Variants in CSMD1 observed in about 807,000 individuals in gnomAD.
The protein encoded by CSMD1 is CUB and sushi domain-containing protein 1.
CSMD1 carries 213 observed loss-of-function variants against 417.5 expected under a neutral mutation model. The observed-to-expected ratio is 0.51, with a 90% confidence interval of 0.46 to 0.57. The LOEUF (loss-of-function observed/expected upper bound fraction) is 0.57. Ranked by LOEUF, CSMD1 falls within the 20% of genes least tolerant of loss-of-function variation. The pLI is 0.00. For missense variants in CSMD1, 6,923 were observed against 4,529.7 expected (o/e 1.53, Z -15.17); for synonymous variants, 2,862 against 1,736.8 (o/e 1.65, Z -16.11).
intron 1 of CSMD1, among the ~76,000 whole-genome samples, chr8:4,703,672 T>C (rs950150434): frequency 1.3e-5 from 2 of 152,130 alleles, no homozygotes; most frequent in African/African-American, 4.8e-5. Context: ...AGACAAATAG[T>C]AGTTGACTTA....
At chr8:4,399,203 C>G (rs900073464) in intron 3 of CSMD1, among the ~76,000 whole-genome samples, 2 of 152,134 alleles carry the variant, frequency 1.3e-5, no homozygotes, top group Non-Finnish European at 2.9e-5. Flanking sequence ...CTGGAATTTA[C>G]TATGTGTTTA....
intron 3 of CSMD1, among the ~76,000 whole-genome samples, chr8:4,159,646 T>C (rs1194772034): frequency 2.6e-5 from 4 of 152,178 alleles, no homozygotes; most frequent in South Asian, 4.1e-4. Context: ...TGGAGCACAG[T>C]GGCGCGATCT....
chr8:3,062,661 T>G (rs6995874), intron 49 of CSMD1, among the ~76,000 whole-genome samples: 24,520 of 151,260 alleles, frequency 0.16, 2,554 homozygotes, highest in African/African-American at 0.3. Context: ...TATCTAGCAC[T>G]TCATAACCCA....
intron 3 of CSMD1, among the ~76,000 whole-genome samples, chr8:4,306,564 G>C (rs1383257092): frequency 3.3e-5 from 5 of 152,050 alleles, no homozygotes; most frequent in African/African-American, 9.7e-5. Flanking sequence ...CAAAAAAACA[G>C]CTCCCTGCCC....
chr8:3,196,173 T>C (rs1796692066), intron 33 of CSMD1, among the ~76,000 whole-genome samples: 1 of 152,152 alleles, frequency 6.6e-6, no homozygotes, highest in Non-Finnish European at 1.5e-5. Flanking sequence ...ATTAGCATGC[T>C]AAAAGACACT....
intron 5 of CSMD1, among the ~76,000 whole-genome samples, chr8:3,754,594 A>T (rs1331758892): frequency 1.3e-5 from 2 of 152,120 alleles, no homozygotes; most frequent in East Asian, 3.9e-4. Context: ...AGCTGGGATT[A>T]CAGGCATGCG....
chr8:4,894,061 G>A lies in CSMD1; in HGVS notation c.85+100271C>T, dbSNP rs182262195. ...ATTTTGTTTAAGTTGTATTTTCCTA[G>A]AGAATAATGAATTTTAACTAGCTTA... is the stretch of plus-strand genomic sequence containing the variant. On this transcript the variant is annotated intron_variant, in intron 1 of 69. Coordinates refer to ENST00000635120, the MANE Select transcript of CSMD1 (RefSeq NM_033225.6). 2.4e-3 allele frequency among the ~76,000 whole-genome samples: 359 copies of A among 152,074 alleles called. 3 individuals are homozygous for A. The highest frequency in any genetic ancestry group is 5.3e-3 in the African/African-American group (219 of 41,456).
intron 5 of CSMD1, among the ~76,000 whole-genome samples, chr8:3,871,113 G>C (rs556851271): frequency 2.0e-5 from 3 of 151,912 alleles, no homozygotes; most frequent in South Asian, 2.1e-4. Context: ...TAGACATCTA[G>C]AATATTTTCA....
intron 5 of CSMD1, among the ~76,000 whole-genome samples, chr8:3,824,368 G>T (rs1171390660): frequency 6.6e-6 from 1 of 152,150 alleles, no homozygotes; most frequent in Admixed American, 6.5e-5. Context: ...AAATGACGGC[G>T]ATTTCCCTCC....
chr8:4,444,408 G>A (rs1798662064), intron 2 of CSMD1, among the ~76,000 whole-genome samples: 1 of 139,978 alleles, frequency 7.1e-6, no homozygotes, highest in South Asian at 2.4e-4. Flanking sequence ...CATGCTGAAT[G>A]TGGTGCTCAA....
At chr8:3,088,979 T>G (rs1419435025) in intron 48 of CSMD1, among the ~76,000 whole-genome samples, 1 of 151,982 alleles carries the variant, frequency 6.6e-6, no homozygotes, top group African/African-American at 2.4e-5. Flanking sequence ...CAGATTCCAA[T>G]AAGGCTCCGT....
intron 3 of CSMD1, among the ~76,000 whole-genome samples, chr8:4,395,068 G>A (rs564112765): frequency 2.6e-5 from 4 of 152,234 alleles, no homozygotes; most frequent in African/African-American, 9.6e-5. Flanking sequence ...CAGCTCCAGG[G>A]TGTCCTGGCA....
chr8:4,072,318 G>A (rs890567499), intron 3 of CSMD1, among the ~76,000 whole-genome samples: 1 of 152,156 alleles, frequency 6.6e-6, no homozygotes, highest in East Asian at 1.9e-4. Flanking sequence ...CCTTCAAAAT[G>A]TATTTACTTC....
intron 4 of CSMD1, among the ~76,000 whole-genome samples, chr8:4,015,781 G>A (rs956471419): frequency 6.6e-6 from 1 of 151,290 alleles, no homozygotes; most frequent in Admixed American, 6.6e-5. Context: ...TTAAATGTAT[G>A]TGTTCAGACA....
At chr8:4,993,917 C>T (rs1431945584) in intron 1 of CSMD1, among the ~76,000 whole-genome samples, 1 of 152,104 alleles carries the variant, frequency 6.6e-6, no homozygotes, top group Non-Finnish European at 1.5e-5. Flanking sequence ...GGGACGCTTT[C>T]CCAGGCGCGT....
chr8:4,905,308 C>A (rs1211088982), intron 1 of CSMD1, among the ~76,000 whole-genome samples: 4 of 152,100 alleles, frequency 2.6e-5, no homozygotes, highest in Non-Finnish European at 5.9e-5. Context: ...TAATGGATAA[C>A]TCGCTGTGTC....
At chr8:4,109,668 T>A (rs950185832) in intron 3 of CSMD1, among the ~76,000 whole-genome samples, 1 of 152,168 alleles carries the variant, frequency 6.6e-6, no homozygotes, top group Non-Finnish European at 1.5e-5. Context: ...TTGTCCATTA[T>A]CATTAAATAA....
In CSMD1 at chr8:4,248,224, G is replaced by A. The variant is rs531979081; in HGVS notation, c.415+171729C>T. ...ACATGACATGCCATTTCCAACAGCA[G>A]ACAGTTGGCAGGACTAGTCCAGGAA... On this transcript the variant is annotated intron_variant, in intron 3 of 69. Transcript: ENST00000635120. Among the ~76,000 whole-genome samples, 6 of 152,100 alleles carry A rather than the reference G, an allele frequency of 3.9e-5. No homozygotes were observed. The South Asian group carries it at 6.2e-4, about 16-fold the overall frequency.
At position 4,189,029 on chromosome 8, in the gene CSMD1, A is replaced by G. The variant is rs568202853; in HGVS notation, c.416-156930T>C. 6.6e-5 allele frequency among the ~76,000 whole-genome samples: 10 copies of G among 152,306 alleles called. No homozygotes were observed. The South Asian group carries it at 1.9e-3, about 28-fold the overall frequency. On this transcript the variant is annotated intron_variant, in intron 3 of 69. Coordinates refer to ENST00000635120, the MANE Select transcript of CSMD1 (RefSeq NM_033225.6). ...AAATACACGGTTACTGGGCAAAGCC[A>G]CTGAAAGCCCAGGTTTTATTTGTTA...
Sources: gnomAD v4.1 joint callset for allele counts (sites outside exome capture counted in the v4.1 genomes callset) on GRCh38, gnomAD v4.1.1 for gene constraint, MANE v1.5 for transcripts, NCBI Gene and HGNC (gene_info 2026-07-23, HGNC 2026-07-21) for gene names.